OSTM1: variants seen among roughly 807,000 people sequenced by gnomAD.
The protein encoded by OSTM1 is osteopetrosis-associated transmembrane protein 1.
Under a neutral mutation model 35.4 loss-of-function variants are expected in OSTM1, and 26 were observed. The observed-to-expected ratio is 0.73, with a 90% CI of 0.54 to 1.02. The LOEUF (loss-of-function observed/expected upper bound fraction) is 1.02. Among genes scored for constraint, OSTM1 ranks in the 50% least tolerant of loss-of-function variants. The pLI is 0.00. For synonymous variants in OSTM1, 181 were observed against 165.0 expected, an observed-to-expected ratio of 1.10 and a Z score of -0.75; for missense variants, 366 against 409.6, an observed-to-expected ratio of 0.89 and a Z score of 0.92.
Position 108,074,463 on chromosome 6 carries a change from C to G in OSTM1, c.189G>C (p.Leu63=), listed in dbSNP as rs774345785. ...LEVEDLSLSL[L]QGGGLGPLSL... Reference sequence around the variant, plus strand: ...ACAGAGGCCCCAGCCCTCCACCCTGCAGGAGGGACAGGGACAAGTCCTCCA... The same window carrying G: ...ACAGAGGCCCCAGCCCTCCACCCTGGAGGAGGGACAGGGACAAGTCCTCCA... The change falls in exon 1 of 6, where the codon CTG becomes CTC. Residue 63 remains leucine (L), a synonymous_variant. Coordinates refer to ENST00000193322, the MANE Select transcript of OSTM1 (RefSeq NM_014028.4). The G allele has an allele frequency of 1.3e-6, 2 of 1,556,776 alleles. No homozygotes were observed. Among genetic ancestry groups the G allele is most frequent in the Non-Finnish European group, 8.7e-7 (1 of 1,150,728 alleles).
chr6:108,067,399 A>G lies in OSTM1; in HGVS notation c.403-3100T>C, dbSNP rs187125365. 1.0e-3 allele frequency among the ~76,000 whole-genome samples: 158 copies of G among 151,950 alleles called. 1 individual carries two copies. Among genetic ancestry groups the G allele is most frequent in the African/African-American group, 3.5e-3 (145 of 41,406 alleles). On this transcript the variant is annotated intron_variant, in intron 1 of 5. Transcript: ENST00000193322. Reference sequence around the variant, plus strand: ...TGGAAACTGACCTTGTCTGCTTCCCACTCCCTCCTACAGAATCTTCACTTT... The same window carrying G: ...TGGAAACTGACCTTGTCTGCTTCCCGCTCCCTCCTACAGAATCTTCACTTT...
rs1234859289 is a variant in OSTM1, at chr6:108,074,684, C to T, written c.-33G>A. 7.3e-6 allele frequency: 11 copies of T among 1,503,014 alleles called. No individual in the cohort carries two copies. Among genetic ancestry groups the T allele is most frequent in the African/African-American group, 1.4e-5 (1 of 69,794 alleles). 93.1% of individuals were successfully genotyped at this position (1,503,014 alleles called of 1,614,324 possible). On this transcript the variant is annotated 5_prime_UTR_variant, in exon 1 of 6. Coordinates refer to ENST00000193322, the MANE Select transcript of OSTM1 (RefSeq NM_014028.4). Reference sequence around the variant, plus strand: ...CTCACACACCCCAGGGAGCCCACCGCCGCCTCTCCGCCCCCAGCCGGCACC... The same window carrying T: ...CTCACACACCCCAGGGAGCCCACCGTCGCCTCTCCGCCCCCAGCCGGCACC...
At chr6:108,072,311 G>A (rs894064155) in intron 1 of OSTM1, among the ~76,000 whole-genome samples, 5 of 152,066 alleles carry the variant, frequency 3.3e-5, no homozygotes, top group African/African-American at 4.8e-5. Flanking sequence ...GGAAAATACC[G>A]CATGTAAGCC....
rs1184123785 is a variant in OSTM1, at chr6:108,042,908, A to G, written c.*1877T>C. The stretch of plus-strand genomic sequence containing the variant: ...ACATATAAGCTGTGTGTCAACATTC[A>G]GTACTATGCAAATCATTTTTCAATA... On this transcript the variant is annotated 3_prime_UTR_variant, in exon 6 of 6. Coordinates refer to ENST00000193322, the MANE Select transcript of OSTM1 (RefSeq NM_014028.4). The G allele has an allele frequency of 6.6e-6, 1 of 152,220 alleles. No homozygotes were observed. The highest frequency in any genetic ancestry group is 2.4e-5 in the African/African-American group (1 of 41,456). 9.4% of individuals were successfully genotyped at this position (152,220 alleles called of 1,614,324 possible).
chr6:108,072,654 G>GA (rs5878960), intron 1 of OSTM1, among the ~76,000 whole-genome samples: 46,668 of 130,050 alleles, frequency 0.36, 7,697 homozygotes, highest in East Asian at 0.56. Context: ...AAAGAAAAAA[G>GA]AAAAAAAAAA....
At position 108,060,001 on chromosome 6, in the gene OSTM1, G is replaced by T. The variant is rs79800479; in HGVS notation, c.517+4184C>A. Among the ~76,000 whole-genome samples the T allele has an allele frequency of 9.8e-3, 1,485 of 152,094 alleles. 18 individuals are homozygous for T. Among genetic ancestry groups the T allele is most frequent in the African/African-American group, 0.034 (1,413 of 41,462 alleles). ...TTTGAATACATATTAAATGTATATGGCATAAAATCCAAAGGGTACAAATGC... is the reference window on the plus strand; with the variant it reads ...TTTGAATACATATTAAATGTATATGTCATAAAATCCAAAGGGTACAAATGC... On this transcript the variant is annotated intron_variant, in intron 2 of 5. Transcript: ENST00000193322.
chr6:108,059,754 G>A (rs1192674864), intron 2 of OSTM1, among the ~76,000 whole-genome samples: 1 of 152,024 alleles, frequency 6.6e-6, no homozygotes, highest in African/African-American at 2.4e-5. Flanking sequence ...ATAATATCAA[G>A]AAGTGAGGCC....
At chr6:108,074,114 C>T (rs1772538558) in intron 1 of OSTM1, 136 bp downstream of exon 1, 1 of 841,672 alleles carries the variant, frequency 1.2e-6, no homozygotes. Flanking sequence ...TTTCTGATGA[C>T]CCAACTCTAC....
chr6:108,058,603 C>T (rs1437310344), intron 2 of OSTM1, among the ~76,000 whole-genome samples: 12 of 152,082 alleles, frequency 7.9e-5, no homozygotes, highest in Non-Finnish European at 1.5e-4. Context: ...GGTGAAACCC[C>T]GTCTCAACTA....
intron 1 of OSTM1, among the ~76,000 whole-genome samples, chr6:108,064,757 T>C (rs1044247009): frequency 6.6e-6 from 1 of 152,150 alleles, no homozygotes; most frequent in Non-Finnish European, 1.5e-5. Flanking sequence ...TCTGAGGATA[T>C]AAAAAGTATA....
chr6:108,046,923 A>T (rs1771986748), intron 5 of OSTM1, among the ~76,000 whole-genome samples: 1 of 152,118 alleles, frequency 6.6e-6, no homozygotes, highest in South Asian at 2.1e-4. Flanking sequence ...GAGTACATAC[A>T]CCTACATCTT....
intron 2 of OSTM1, among the ~76,000 whole-genome samples, chr6:108,058,044 C>CTTTTTTTTT (rs761751778): frequency 8.2e-6 from 1 of 121,564 alleles, no homozygotes; most frequent in African/African-American, 3.2e-5. Context: ...AAGAGTCAAT[C>CTTTTTTTTT]TTTTTTTTTT....
chr6:108,074,393 G>C lies in OSTM1; in HGVS notation c.259C>G (p.Leu87Val). 2 of 1,579,508 alleles carry C rather than the reference G, an allele frequency of 1.3e-6. No homozygotes were observed. Among genetic ancestry groups the C allele is most frequent in the Non-Finnish European group, 1.7e-6 (2 of 1,162,930 alleles). ...CTGCTGTTGGCGAAGTCCAGCAGGA[G>C]CTCCCGGCACTCAGGATCCAGATCC... The part of the protein sequence containing the change: ...LPDLDPECRE[L>V]LLDFANSSAE... The change falls in exon 1 of 6, where the codon CTC becomes GTC. Residue 87 changes from leucine (L) to valine (V), a missense_variant. By Grantham distance (32) the Leu-to-Val change is conservative. Transcript: ENST00000193322.
intron 1 of OSTM1, among the ~76,000 whole-genome samples, chr6:108,070,283 C>G (rs9386707): frequency 0.041 from 6,181 of 152,246 alleles, 433 homozygotes; most frequent in Admixed American, 0.19. Context: ...AAGCGATCCA[C>G]CTGCCTCGGC....
chr6:108,049,626 G>A (rs1414585986), intron 4 of OSTM1: 1 of 1,225,202 alleles, frequency 8.2e-7, no homozygotes, highest in East Asian at 2.9e-5. Flanking sequence ...TATCCATACA[G>A]AAATTTCATA....
chr6:108,053,693 T>C (rs1340967198), intron 3 of OSTM1, among the ~76,000 whole-genome samples: 1 of 152,172 alleles, frequency 6.6e-6, no homozygotes, highest in African/African-American at 2.4e-5. Flanking sequence ...CTCGAACTCC[T>C]GACCTCAAGT....
chr6:108,068,174 T>C (rs1451047903), intron 1 of OSTM1, among the ~76,000 whole-genome samples: 1 of 151,672 alleles, frequency 6.6e-6, no homozygotes, highest in Non-Finnish European at 1.5e-5. Flanking sequence ...CATTCTTCTT[T>C]ATCTCTCCAA....
chr6:108,073,609 A>C (rs1772526146), intron 1 of OSTM1: 1 of 152,396 alleles, frequency 6.6e-6, no homozygotes, highest in Admixed American at 6.5e-5. Context: ...GTAAACAGGC[A>C]CAGAGAATGT....
At chr6:108,073,223 T>C (rs536479502) in intron 1 of OSTM1, among the ~76,000 whole-genome samples, 135 of 152,344 alleles carry the variant, frequency 8.9e-4, no homozygotes, top group African/African-American at 3.2e-3. Context: ...TATGGAATAA[T>C]TCCAACCACA....
Sources: allele counts gnomAD v4.1 joint callset (sites outside exome capture counted in the v4.1 genomes callset), GRCh38; gene constraint gnomAD v4.1.1; transcripts MANE v1.5; gene names NCBI Gene and HGNC (gene_info 2026-07-23, HGNC 2026-07-21).